INTS9: variants seen among roughly 807,000 people sequenced by gnomAD.
INTS9 encodes protein related to CPSF subunits of 74 kDa.
A neutral mutation model predicts 79.7 loss-of-function variants in INTS9; 55 were observed. The ratio of observed to expected loss-of-function variants is 0.69; its 90% CI spans 0.56 to 0.86. The LOEUF (loss-of-function observed/expected upper bound fraction) is 0.86, where lower values mean the gene tolerates loss of function less well. Among genes scored for constraint, INTS9 ranks in the 40% least tolerant of loss-of-function variants. The pLI is 0.00. For synonymous variants in INTS9, 319 were observed against 325.2 expected (o/e 0.98, Z 0.20); for missense variants, 721 against 831.5 (o/e 0.87, Z 1.64).
intron 6 of INTS9, among the ~76,000 whole-genome samples, chr8:28,830,459 C>A (rs562874295): frequency 1.3e-5 from 2 of 151,694 alleles, no homozygotes; most frequent in South Asian, 4.2e-4. Flanking sequence ...CAAGGTGAAA[C>A]CCAAAAAATA....
intron 1 of INTS9, among the ~76,000 whole-genome samples, chr8:28,865,125 T>C (rs1168617600): frequency 6.6e-6 from 1 of 151,956 alleles, no homozygotes; most frequent in Non-Finnish European, 1.5e-5. Flanking sequence ...ATAATCATAT[T>C]ATTGAAAAAT....
intron 8 of INTS9, among the ~76,000 whole-genome samples, chr8:28,807,845 C>T (rs201142446): frequency 3.3e-5 from 5 of 152,044 alleles, no homozygotes; most frequent in South Asian, 2.1e-4. Flanking sequence ...TGCTGTGCAA[C>T]GTAGTATTAT....
chr8:28,812,593 G>C, intron 7 of INTS9, 132 bp from the exon 8 acceptor site: 1 of 985,886 alleles, frequency 1.0e-6, no homozygotes, highest in Non-Finnish European at 1.5e-6. Flanking sequence ...ACCAGAGACT[G>C]GGTGCAATGG....
intron 1 of INTS9, among the ~76,000 whole-genome samples, chr8:28,865,586 G>A (rs1007350002): frequency 6.6e-6 from 1 of 151,870 alleles, no homozygotes; most frequent in African/African-American, 2.4e-5. Flanking sequence ...TGACACTTAT[G>A]TACAAGCAAC....
intron 12 of INTS9, among the ~76,000 whole-genome samples, chr8:28,778,672 C>T (rs897811497): frequency 3.3e-5 from 5 of 152,172 alleles, no homozygotes; most frequent in African/African-American, 1.2e-4. Context: ...TCCCCCAACT[C>T]GAGGGAGCTG....
At chr8:28,804,837 T>G (rs1190224633) in intron 8 of INTS9, among the ~76,000 whole-genome samples, 1 of 152,290 alleles carries the variant, frequency 6.6e-6, no homozygotes, top group Admixed American at 6.5e-5. Flanking sequence ...AGAAATACTG[T>G]GAACAAAAGT....
At position 28,771,095 on chromosome 8, in the gene INTS9, C is replaced by T. The variant is rs1008244718; in HGVS notation, c.1564-15G>A. The T allele has an allele frequency of 8.8e-6, 14 of 1,581,946 alleles. No homozygotes were observed. Among genetic ancestry groups the T allele is most frequent in the East Asian group, 2.3e-5 (1 of 43,544 alleles). ...GAATCTGCGAGCTGAAAGCAAAGGG[C>T]GCAGTTCAGGCTGGGGGCCTTTAAT... On this transcript the variant is annotated splice_polypyrimidine_tract_variant and intron_variant, in intron 14 of 16. Coordinates refer to ENST00000521022, the MANE Select transcript of INTS9 (RefSeq NM_018250.4).
rs1805291517 is a variant in INTS9 at position 28,813,619 on chromosome 8, A to G, written c.489-7T>C. The G allele has an allele frequency of 1.2e-6, 2 of 1,612,404 alleles. No homozygotes were observed. The highest frequency in any genetic ancestry group is 1.7e-6 in the Non-Finnish European group (2 of 1,179,504). On this transcript the variant is annotated splice_polypyrimidine_tract_variant and splice_region_variant and intron_variant, in intron 6 of 16. Coordinates refer to ENST00000521022, the MANE Select transcript of INTS9 (RefSeq NM_018250.4). ...GAGAGGAGAAGGTAACAGCCTGCAAATGGATCACAATGTCAACTACCAGGT... is the reference window on the plus strand; with the variant it reads ...GAGAGGAGAAGGTAACAGCCTGCAAGTGGATCACAATGTCAACTACCAGGT...
At chr8:28,880,985 G>A (rs1299877614) in intron 1 of INTS9, among the ~76,000 whole-genome samples, 2 of 150,722 alleles carry the variant, frequency 1.3e-5, no homozygotes, top group Non-Finnish European at 1.5e-5. Flanking sequence ...CTGCCCGGCC[G>A]CTCCGTCTGA....
intron 5 of INTS9, among the ~76,000 whole-genome samples, chr8:28,835,699 T>C (rs535828894): frequency 6.6e-6 from 1 of 152,330 alleles, no homozygotes; most frequent in East Asian, 1.9e-4. Context: ...ATCTCTACTT[T>C]TATGTTACTG....
chr8:28,882,859 T>C (rs1447912220), intron 1 of INTS9, among the ~76,000 whole-genome samples: 1 of 152,256 alleles, frequency 6.6e-6, no homozygotes. Context: ...TTCAAATTCA[T>C]GGTAAATCAG....
chr8:28,880,258 C>G (rs919158242), intron 1 of INTS9, among the ~76,000 whole-genome samples: 45 of 141,524 alleles, frequency 3.2e-4, no homozygotes, highest in Non-Finnish European at 5.6e-4. Flanking sequence ...CCCTCTCCCT[C>G]TCCCTCTCCC....
intron 6 of INTS9, among the ~76,000 whole-genome samples, chr8:28,833,384 G>A (rs192237564): frequency 2.0e-5 from 3 of 152,242 alleles, no homozygotes; most frequent in East Asian, 3.9e-4. Flanking sequence ...CACTTTGGGA[G>A]GTCGAGGTGG....
intron 4 of INTS9, among the ~76,000 whole-genome samples, chr8:28,845,506 T>G (rs1337899611): frequency 1.3e-5 from 2 of 152,194 alleles, no homozygotes; most frequent in African/African-American, 2.4e-5. Flanking sequence ...ACTGTCTAAT[T>G]TAAAAGCTGA....
chr8:28,787,755 G>T, intron 11 of INTS9, 74 bp downstream of exon 11: 2 of 1,036,814 alleles, frequency 1.9e-6, no homozygotes, highest in South Asian at 1.3e-5. Flanking sequence ...TTCATCTAAC[G>T]ACCTGCTGTC....
At chr8:28,853,675 C>T (rs549764812) in intron 2 of INTS9, among the ~76,000 whole-genome samples, 4 of 152,084 alleles carry the variant, frequency 2.6e-5, no homozygotes, top group East Asian at 1.9e-4. Flanking sequence ...TTTATACAGT[C>T]GAACTTTGTA....
intron 9 of INTS9, among the ~76,000 whole-genome samples, chr8:28,796,086 G>C (rs544041994): frequency 1.3e-5 from 2 of 152,220 alleles, no homozygotes; most frequent in African/African-American, 2.4e-5. Context: ...AAAGCGGGCG[G>C]ATTGCCTGAG....
chr8:28,833,291 A>G (rs1806604839), intron 6 of INTS9, among the ~76,000 whole-genome samples: 1 of 152,088 alleles, frequency 6.6e-6, no homozygotes, highest in African/African-American at 2.4e-5. Context: ...AAAAGTGGAC[A>G]TGGGTAGGAG....
At chr8:28,858,037 T>A (rs1353382366) in intron 2 of INTS9, among the ~76,000 whole-genome samples, 1 of 152,002 alleles carries the variant, frequency 6.6e-6, no homozygotes, top group African/African-American at 2.4e-5. Flanking sequence ...GCCAGGACCA[T>A]GAGAACAGTA....
Sources: allele counts gnomAD v4.1 joint callset (sites outside exome capture counted in the v4.1 genomes callset), GRCh38; gene constraint gnomAD v4.1.1; transcripts MANE v1.5; gene names NCBI Gene and HGNC (gene_info 2026-07-23, HGNC 2026-07-21).